Variants in LIN52 observed in about 807,000 individuals in gnomAD.
LIN52 encodes protein lin-52 homolog.
Under a neutral mutation model 18.5 loss-of-function variants are expected in LIN52, and 4 were observed. The ratio of observed to expected loss-of-function variants is 0.22; its 90% CI spans 0.11 to 0.49. The LOEUF (loss-of-function observed/expected upper bound fraction) is 0.49, where lower values mean the gene tolerates loss of function less well. Among genes scored for constraint, LIN52 ranks in the 20% least tolerant of loss-of-function variants. LIN52 has a pLI of 0.97. For synonymous variants in LIN52, 34 were observed against 45.5 expected (o/e 0.75, Z 1.02); for missense variants, 102 against 139.5 (o/e 0.73, Z 1.35).
rs114070277 is a variant in LIN52, at chr14:74,142,757, A to T, written c.283+41519A>T. Among the ~76,000 whole-genome samples the T allele has an allele frequency of 3.4e-3, 506 of 149,232 alleles. 1 individual carries two copies. The highest frequency in any genetic ancestry group is 0.011 in the African/African-American group (463 of 40,640). On this transcript the variant is annotated intron_variant, in intron 5 of 5. Transcript: ENST00000555028. ...GTTTTTATGGGGGCTGTAAAAGTAA[A>T]ACAAAAACAAAAAACGGAAGAATCT...
chr14:74,184,477 A>G (rs1811953918), intron 5 of LIN52, among the ~76,000 whole-genome samples: 2 of 152,290 alleles, frequency 1.3e-5, no homozygotes, highest in Non-Finnish European at 2.9e-5. Flanking sequence ...TTGGGTTTGG[A>G]TTCAGTCTTT....
intron 5 of LIN52, among the ~76,000 whole-genome samples, chr14:74,185,406 C>T (rs2061336842): frequency 7.2e-6 from 1 of 139,474 alleles, no homozygotes. Context: ...GCTCCACTTC[C>T]TGGGTTCACG....
intron 5 of LIN52, among the ~76,000 whole-genome samples, chr14:74,137,417 C>T (rs929618539): frequency 2.6e-5 from 4 of 151,698 alleles, no homozygotes; most frequent in East Asian, 1.9e-4. Flanking sequence ...AAACCAAGAT[C>T]CAGTCCAAGT....
intron 5 of LIN52, among the ~76,000 whole-genome samples, chr14:74,118,729 A>C (rs2139918266): frequency 6.6e-6 from 1 of 152,256 alleles, no homozygotes; most frequent in South Asian, 2.1e-4. Context: ...AACCAAGATC[A>C]CACCATTGTA....
intron 5 of LIN52, among the ~76,000 whole-genome samples, chr14:74,124,232 C>T (rs1829736566): frequency 6.6e-6 from 1 of 152,162 alleles, no homozygotes; most frequent in Non-Finnish European, 1.5e-5. Flanking sequence ...AAAATACCAT[C>T]TAAGATGTCA....
chr14:74,117,286 G>C (rs1342146308), intron 5 of LIN52, among the ~76,000 whole-genome samples: 1 of 152,186 alleles, frequency 6.6e-6, no homozygotes, highest in Non-Finnish European at 1.5e-5. Context: ...GGCCAAAGAA[G>C]CATATTTTCT....
intron 1 of LIN52, among the ~76,000 whole-genome samples, chr14:74,089,885 T>G (rs1254160267): frequency 6.6e-6 from 1 of 152,130 alleles, no homozygotes; most frequent in Non-Finnish European, 1.5e-5. Flanking sequence ...AATCCTCTTA[T>G]GGGAGAGGGA....
intron 4 of LIN52, among the ~76,000 whole-genome samples, chr14:74,099,288 AC>A (rs200764059): frequency 0.01 from 1,556 of 152,244 alleles, 31 homozygotes; most frequent in African/African-American, 0.036. Flanking sequence ...TTAAAAAAAA[AC>A]ACCTTTATTT....
chr14:74,162,586 G>T (rs1406393680), intron 5 of LIN52, among the ~76,000 whole-genome samples: 2 of 151,608 alleles, frequency 1.3e-5, no homozygotes, highest in Non-Finnish European at 2.9e-5. Flanking sequence ...TAGAGATGGG[G>T]TATCATTATG....
At chr14:74,116,331 A>T (rs2060964616) in intron 5 of LIN52, among the ~76,000 whole-genome samples, 1 of 151,742 alleles carries the variant, frequency 6.6e-6, no homozygotes, top group Non-Finnish European at 1.5e-5. Flanking sequence ...AAAATACATA[A>T]TAAAACAAAG....
chr14:74,133,746 A>G (rs953601005), intron 5 of LIN52, among the ~76,000 whole-genome samples: 1 of 152,184 alleles, frequency 6.6e-6, no homozygotes, highest in Non-Finnish European at 1.5e-5. Context: ...TTAATGCTCA[A>G]TCCACAGTGG....
chr14:74,148,504 G>T (rs1486078328), intron 5 of LIN52, among the ~76,000 whole-genome samples: 1 of 152,116 alleles, frequency 6.6e-6, no homozygotes, highest in Non-Finnish European at 1.5e-5. Flanking sequence ...AGAAATGAGA[G>T]ATTACAGTAG....
rs1481452210 is a variant in LIN52, at chr14:74,200,291, T to G, written c.*1314T>G. 6.8e-6 allele frequency: 1 copy of G among 146,666 alleles called. No individual in the cohort carries two copies. The highest frequency in any genetic ancestry group is 1.5e-5 in the Non-Finnish European group (1 of 66,446). 9.1% of individuals were successfully genotyped at this position (146,666 alleles called of 1,614,324 possible). A position where few individuals can be genotyped will look rare whatever the true frequency, so the allele number is the denominator to read the frequency against. Reference sequence around the variant, plus strand: ...AGCTGGGCATGATGGTGCATGCCTATAGTCCCAGCTACTTGGGGGCCTGAG... The same window carrying G: ...AGCTGGGCATGATGGTGCATGCCTAGAGTCCCAGCTACTTGGGGGCCTGAG... On this transcript the variant is annotated 3_prime_UTR_variant, in exon 6 of 6. Transcript: ENST00000555028.
chr14:74,194,187 G>A (rs750566490), intron 5 of LIN52, among the ~76,000 whole-genome samples: 4 of 152,166 alleles, frequency 2.6e-5, no homozygotes, highest in Non-Finnish European at 4.4e-5. Flanking sequence ...ACCCAATCTC[G>A]TTAACCAGGG....
At chr14:74,138,935 A>ATT (rs5809649) in intron 5 of LIN52, among the ~76,000 whole-genome samples, 1 of 146,806 alleles carries the variant, frequency 6.8e-6, no homozygotes, top group Non-Finnish European at 1.5e-5. Flanking sequence ...ACAAGGTAGC[A>ATT]TTTTTTTTTT....
chr14:74,197,585 A>G (rs1398016291), intron 5 of LIN52, among the ~76,000 whole-genome samples: 1 of 152,216 alleles, frequency 6.6e-6, no homozygotes, highest in Non-Finnish European at 1.5e-5. Flanking sequence ...AAATCCATGA[A>G]GGAAGGAATG....
intron 5 of LIN52, among the ~76,000 whole-genome samples, chr14:74,168,458 G>A (rs1311912379): frequency 6.6e-5 from 10 of 151,982 alleles, no homozygotes; most frequent in Middle Eastern, 3.4e-3. Context: ...CACGAGGTCA[G>A]GAGATCGAGA....
intron 5 of LIN52, among the ~76,000 whole-genome samples, chr14:74,157,461 T>TA (rs2061204677): frequency 1.1e-5 from 1 of 94,880 alleles, no homozygotes. Flanking sequence ...ATATATATAT[T>TA]TTTTAATTAA....
At position 74,130,290 on chromosome 14, in the gene LIN52, T is replaced by G. The variant is rs1450882414; in HGVS notation, c.283+29052T>G. ...TAGGCATTTTTTGGTTTTTTTTTTT[T>G]TTTTTTGAGACAGTCTCGCTCTTTT... On this transcript the variant is annotated intron_variant, in intron 5 of 5. Coordinates refer to ENST00000555028, the MANE Select transcript of LIN52 (RefSeq NM_001024674.3). 5.8e-4 allele frequency among the ~76,000 whole-genome samples: 79 copies of G among 135,250 alleles called. 3 individuals carry two copies. In the South Asian group the frequency reaches 0.016, roughly 28 times the overall value. The allele number at this position is 135,250 out of a possible 152,430, so 88.7% of individuals were successfully genotyped here. A position where few individuals can be genotyped will look rare whatever the true frequency, so the allele number is the denominator to read the frequency against.
Sources: gnomAD v4.1 joint callset for allele counts (sites outside exome capture counted in the v4.1 genomes callset) on GRCh38, gnomAD v4.1.1 for gene constraint, MANE v1.5 for transcripts, NCBI Gene and HGNC (gene_info 2026-07-23, HGNC 2026-07-21) for gene names.